The following FRMD3 variants were observed in gnomAD, a reference collection of about 807,000 sequenced individuals.
FRMD3 encodes the protein FERM domain containing 3.
A neutral mutation model predicts 70.2 loss-of-function variants in FRMD3; 33 were observed. That is an observed-to-expected ratio of 0.47 (90% CI 0.36 to 0.63). The LOEUF (loss-of-function observed/expected upper bound fraction) is 0.63, where lower values mean the gene tolerates loss of function less well. Ranked by LOEUF, FRMD3 falls within the 20% of genes least tolerant of loss-of-function variation. FRMD3 has a pLI of 0.00. For synonymous variants in FRMD3, 279 were observed against 255.9 expected (o/e 1.09, Z -0.86); for missense variants, 632 against 711.4 (o/e 0.89, Z 1.27).
chr9:83,490,800 A>T (rs371474659), intron 1 of FRMD3, among the ~76,000 whole-genome samples: 98 of 102,900 alleles, frequency 9.5e-4, no homozygotes, highest in African/African-American at 1.6e-3. Context: ...TCTCTCTCTC[A>T]CACACACACA....
At chr9:83,438,471 G>A (rs1490215796) in intron 1 of FRMD3, among the ~76,000 whole-genome samples, 1 of 152,050 alleles carries the variant, frequency 6.6e-6, no homozygotes, top group African/African-American at 2.4e-5. Flanking sequence ...CCAGGCTGGA[G>A]TGCAATGGCA....
At chr9:83,368,192 T>A (rs1824851252) in intron 3 of FRMD3, among the ~76,000 whole-genome samples, 1 of 152,168 alleles carries the variant, frequency 6.6e-6, no homozygotes, top group Non-Finnish European at 1.5e-5. Context: ...GGCAGGTTTT[T>A]GGGGTGATGA....
At chr9:83,496,822 T>C (rs543259005) in intron 1 of FRMD3, among the ~76,000 whole-genome samples, 132 of 152,276 alleles carry the variant, frequency 8.7e-4, no homozygotes, top group Middle Eastern at 3.4e-3. Flanking sequence ...ACTTATAAAA[T>C]GTCAGTGTAG....
At chr9:83,298,133 C>T (rs1188118795) in intron 12 of FRMD3, among the ~76,000 whole-genome samples, 1 of 152,168 alleles carries the variant, frequency 6.6e-6, no homozygotes, top group Non-Finnish European at 1.5e-5. Context: ...AAGTGGGAGG[C>T]AACACGTTGA....
rs1828510367 is a variant in FRMD3, at chr9:83,479,724, A to AGTG, written c.147+58360_147+58361insCAC. ...AGAAAGAAAGAAAGAAAGAAAGAAA[A>AGTG]GAAAGGGAAAGAAAGAAAAAGAAAA... On this transcript the variant is annotated intron_variant, in intron 1 of 13. Coordinates refer to ENST00000304195, the MANE Select transcript of FRMD3 (RefSeq NM_174938.6). Among the ~76,000 whole-genome samples, 2 of 51,856 alleles carry AGTG rather than the reference A, an allele frequency of 3.9e-5. 1 individual carries two copies. The highest frequency in any genetic ancestry group is 7.3e-5 in the Non-Finnish European group (2 of 27,434). 34.0% of individuals were successfully genotyped at this position (51,856 alleles called of 152,430 possible).
At chr9:83,261,678 A>G (rs1243243252) in intron 13 of FRMD3, among the ~76,000 whole-genome samples, 1 of 152,162 alleles carries the variant, frequency 6.6e-6, no homozygotes, top group Non-Finnish European at 1.5e-5. Context: ...ACTACAGGTC[A>G]CCAGTGTCCC....
At chr9:83,249,065 C>T (rs1277741843) in intron 13 of FRMD3, among the ~76,000 whole-genome samples, 1 of 152,114 alleles carries the variant, frequency 6.6e-6, no homozygotes, top group Admixed American at 6.5e-5. Context: ...TAAATATTTT[C>T]TATGTTTAAA....
chr9:83,321,935 C>A (rs1008593681), intron 6 of FRMD3, among the ~76,000 whole-genome samples: 5 of 152,156 alleles, frequency 3.3e-5, no homozygotes, highest in Non-Finnish European at 5.9e-5. Context: ...CTCACAGCAG[C>A]CCCTAGCAGA....
chr9:83,317,015 G>A (rs1480225268), intron 6 of FRMD3, among the ~76,000 whole-genome samples: 1 of 151,970 alleles, frequency 6.6e-6, no homozygotes, highest in Non-Finnish European at 1.5e-5. Flanking sequence ...AACAAGCCTG[G>A]CAATGTAGCA....
the FRMD3 span, among the ~76,000 whole-genome samples, chr9:83,565,619 T>A: frequency 1.1e-4 from 16 of 152,256 alleles, no homozygotes; most frequent in Admixed American, 8.5e-4. Context: ...TGTCAAAATC[T>A]GACTGTCCCA....
chr9:83,283,080 C>T (rs1013120718), intron 13 of FRMD3, among the ~76,000 whole-genome samples: 1 of 151,992 alleles, frequency 6.6e-6, no homozygotes, highest in African/African-American at 2.4e-5. Flanking sequence ...AGAATAGCTC[C>T]AAAGAAAAAC....
Position 83,407,837 on chromosome 9 carries a change from G to GTCTCTCTCTCTCTCTC in FRMD3, c.148-18145_148-18130dup, listed in dbSNP as rs761983764. Among the ~76,000 whole-genome samples, 544 of 103,580 alleles carry GTCTCTCTCTCTCTCTC rather than the reference G, an allele frequency of 5.3e-3. 16 individuals carry two copies. The highest frequency in any genetic ancestry group is 7.7e-3 in the East Asian group (22 of 2,866). 68.0% of individuals were successfully genotyped at this position (103,580 alleles called of 152,430 possible). On this transcript the variant is annotated intron_variant, in intron 1 of 13. Transcript: ENST00000304195. ...GCCAGCAGAGGAGGGGGGTTGTTGAGTCTCTCTCTCTCTCTCTCTCTCTCT... is the reference window on the plus strand; with the variant it reads ...GCCAGCAGAGGAGGGGGGTTGTTGAGTCTCTCTCTCTCTCTCTCTCTCTCTCTCTCTCTCTCTCTCT...
chr9:83,365,508 G>A (rs1003117622), intron 3 of FRMD3, among the ~76,000 whole-genome samples: 6 of 151,990 alleles, frequency 3.9e-5, no homozygotes, highest in African/African-American at 7.3e-5. Flanking sequence ...TATTAATCTC[G>A]TATCCAAAGA....
At chr9:83,557,428 G>A in the FRMD3 span, among the ~76,000 whole-genome samples, 1 of 152,216 alleles carries the variant, frequency 6.6e-6, no homozygotes, top group Admixed American at 6.5e-5. Context: ...CACAAATGCA[G>A]AATTGTGCTT....
chr9:83,299,286 A>G, intron 10 of FRMD3, 100 bp from the exon 11 acceptor site: 1 of 695,688 alleles, frequency 1.4e-6, no homozygotes, highest in Non-Finnish European at 2.5e-6. Context: ...TGCAAGAAAG[A>G]AATGTAATTT....
chr9:83,562,683 T>C, the FRMD3 span, among the ~76,000 whole-genome samples: 3 of 152,192 alleles, frequency 2.0e-5, no homozygotes, highest in Admixed American at 6.5e-5. Context: ...GGGCAAGAAT[T>C]TGCTGTCACC....
the FRMD3 span, among the ~76,000 whole-genome samples, chr9:83,575,010 A>T: frequency 6.6e-6 from 1 of 152,122 alleles, no homozygotes; most frequent in Non-Finnish European, 1.5e-5. Context: ...GTCTACTTTC[A>T]TCCAGGCTCC....
At chr9:83,251,412 A>T (rs1248100227) in intron 13 of FRMD3, among the ~76,000 whole-genome samples, 1 of 152,222 alleles carries the variant, frequency 6.6e-6, no homozygotes, top group Non-Finnish European at 1.5e-5. Flanking sequence ...AGATGAAAAC[A>T]ATCAATGCAA....
intron 2 of FRMD3, among the ~76,000 whole-genome samples, chr9:83,379,606 T>C (rs1354300278): frequency 2.0e-5 from 3 of 152,114 alleles, no homozygotes; most frequent in Non-Finnish European, 4.4e-5. Context: ...GATGAACCAG[T>C]GGATTCACCC....
Sources: gnomAD v4.1 joint callset for allele counts (sites outside exome capture counted in the v4.1 genomes callset) on GRCh38, gnomAD v4.1.1 for gene constraint, MANE v1.5 for transcripts, NCBI Gene and HGNC (gene_info 2026-07-23, HGNC 2026-07-21) for gene names.